The following UBR4 variants were observed in gnomAD, a reference collection of about 807,000 sequenced individuals.
UBR4 encodes the protein E3 ubiquitin-protein ligase UBR4.
UBR4 carries 124 observed loss-of-function variants against 575.6 expected under a neutral mutation model. That is an observed-to-expected ratio of 0.22 (90% CI 0.19 to 0.25). UBR4 has a LOEUF of 0.25. Ranked by LOEUF, UBR4 falls within the 10% of genes least tolerant of loss-of-function variation. The pLI, the probability that UBR4 is intolerant of heterozygous loss-of-function variation, is 1.00. For missense variants in UBR4, 4,818 were observed against 6,478.8 expected, an observed-to-expected ratio of 0.74 and a Z score of 8.80; for synonymous variants, 2,455 against 2,473.7, an observed-to-expected ratio of 0.99 and a Z score of 0.22.
chr1:19,188,764 G>C (rs2091796599), intron 11 of UBR4, among the ~76,000 whole-genome samples: 1 of 152,040 alleles, frequency 6.6e-6, no homozygotes, highest in South Asian at 2.1e-4. Flanking sequence ...GGCCAAGAGT[G>C]CAAGACCAGC....
rs758429177 is a variant in UBR4, at chr1:19,128,291, C to T, written c.9031G>A (p.Asp3011Asn). 19 of 1,613,900 alleles carry T rather than the reference C, an allele frequency of 1.2e-5. No individual in the cohort carries two copies. Among genetic ancestry groups the T allele is most frequent in the Non-Finnish European group, 1.5e-5 (18 of 1,179,958 alleles). ...QVILMLTTDL[D>N]GEDEKDKGAL... is the part of the protein sequence containing the mutation. ...CCCTTGTCTTTCTCATCTTCTCCAT[C>T]CAGATCTGTAGTGAGCATTAGAATG... The change falls in exon 62 of 106, where the codon GAT becomes AAT. Residue 3011 changes from aspartate (D) to asparagine (N), a missense_variant. Physicochemically the swap from Asp to Asn is conservative, Grantham distance 23. This residue lies in a region of UBR4 where 87 missense variants were observed against 82.8 expected (regional missense o/e 1.05). Transcript: ENST00000375254.
chr1:19,083,750 G>A (rs2076747785), intron 102 of UBR4, among the ~76,000 whole-genome samples: 1 of 152,148 alleles, frequency 6.6e-6, no homozygotes, highest in Non-Finnish European at 1.5e-5. Flanking sequence ...CTTAGGCTGG[G>A]CTCAAGCAAT....
rs777968632 is a variant in UBR4 at position 19,104,216 on chromosome 1, G to C, written c.12769C>G (p.His4257Asp). The change falls in exon 87 of 106, where the codon CAT (histidine) becomes GAT (aspartate). Residue 4257 changes from histidine (H) to aspartate (D), a missense_variant. Coordinates refer to ENST00000375254, the MANE Select transcript of UBR4 (RefSeq NM_020765.3). ...GTACCCACCAAGCGACTTTTAAAAT[G>C]TCTTTTGATGGATTCCACCTCAACA... ...SFVEVESIKR[H>D]FKSRLVGTVL... The C allele has an allele frequency of 2.5e-6, 4 of 1,614,238 alleles. No individual in the cohort carries two copies. Among genetic ancestry groups the C allele is most frequent in the Non-Finnish European group, 3.4e-6 (4 of 1,180,048 alleles).
intron 17 of UBR4, among the ~76,000 whole-genome samples, chr1:19,183,200 C>T (rs566101497): frequency 1.3e-5 from 2 of 152,328 alleles, no homozygotes; most frequent in East Asian, 3.9e-4. Context: ...TACTTCTTTT[C>T]ATATAAACTG....
At chr1:19,150,475 C>A in intron 49 of UBR4, 102 bp downstream of exon 49, 2 of 1,334,798 alleles carry the variant, frequency 1.5e-6, no homozygotes, top group Non-Finnish European at 2.1e-6. Context: ...TCCAGGCTAG[C>A]CTTGAGATGG....
intron 26 of UBR4, 48 bp from the exon 27 acceptor site, chr1:19,169,580 G>A (rs368691838): frequency 4.9e-5 from 75 of 1,532,554 alleles, no homozygotes; most frequent in Middle Eastern, 1.7e-4. Context: ...AAGAAGGAAC[G>A]ACACAGAGCA....
rs1352101727 is a variant in UBR4 at position 19,074,619 on chromosome 1, C to T, written c.*213G>A. 1.7e-6 allele frequency: 1 copy of T among 603,850 alleles called. No homozygotes were observed. The highest frequency in any genetic ancestry group is 2.9e-6 in the Non-Finnish European group (1 of 340,314). 37.4% of individuals were successfully genotyped at this position (603,850 alleles called of 1,614,324 possible). ...TAGGTATGTACAGGCCCTTTGATGG[C>T]TTGGGTTACAGACAACCTCATAGCT... On this transcript the variant is annotated 3_prime_UTR_variant, in exon 106 of 106. Coordinates refer to ENST00000375254, the MANE Select transcript of UBR4 (RefSeq NM_020765.3).
In UBR4 at chr1:19,106,958, G is replaced by C; in HGVS notation, c.12114C>G (p.Pro4038=). Residue 4038 remains proline (P), a synonymous_variant, in exon 82 of 106, where the codon CCC becomes CCG. Transcript: ENST00000375254. ...GCTTCACCGTGGTGAGGGCCTCAAC[G>C]GGGACATCCTGGAGGAGGCAAGTGG... The part of the protein sequence containing the change: ...APTSKKNKDV[P]VEALTTVKPY... 6.2e-7 allele frequency: 1 copy of C among 1,611,838 alleles called. No homozygotes were observed. The highest frequency in any genetic ancestry group is 8.5e-7 in the Non-Finnish European group (1 of 1,179,816).
At chr1:19,104,012 A>T (rs2078925864) in intron 87 of UBR4, 72 bp downstream of exon 87, 5 of 1,543,268 alleles carry the variant, frequency 3.2e-6, no homozygotes, top group Admixed American at 3.7e-5. Flanking sequence ...AACTGGGGGA[A>T]ATTGGTCGAA....
At chr1:19,083,298 C>T (rs565297504) in intron 102 of UBR4, among the ~76,000 whole-genome samples, 1 of 152,078 alleles carries the variant, frequency 6.6e-6, no homozygotes, top group Non-Finnish European at 1.5e-5. Context: ...CCTGTGGTCT[C>T]GAGGTCAGCC....
chr1:19,147,075 TGG>T, intron 51 of UBR4, 75 bp from the exon 52 acceptor site: 1 of 1,471,674 alleles, frequency 6.8e-7, no homozygotes, highest in Non-Finnish European at 9.1e-7. Context: ...AGAGAAAAGC[TGG>T]CAGATCACCA....
Position 19,156,680 on chromosome 1 carries a change from A to AT in UBR4, c.5919+86dup, listed in dbSNP as rs1182185872. ...TTTTAAATTTTAATCTCCACAACGA[A>AT]TAAGAAAAAGTAGTTCTGAGAACAG... On this transcript the variant is annotated intron_variant, in intron 41 of 105. Coordinates refer to ENST00000375254, the MANE Select transcript of UBR4 (RefSeq NM_020765.3). The AT allele has an allele frequency of 2.0e-5, 30 of 1,510,996 alleles. No individual in the cohort carries two copies. In the Admixed American group the frequency reaches 5.8e-4, roughly 29 times the overall value. The allele number at this position is 1,510,996 out of a possible 1,614,324, so 93.6% of individuals were successfully genotyped here.
chr1:19,088,044 C>G lies in UBR4; in HGVS notation c.14431-115G>C. 2.6e-6 allele frequency: 2 copies of G among 755,648 alleles called. No homozygotes were observed. The highest frequency in any genetic ancestry group is 4.5e-6 in the Non-Finnish European group (2 of 443,218). 46.8% of individuals were successfully genotyped at this position (755,648 alleles called of 1,614,324 possible). Reference sequence around the variant, plus strand: ...TCTACCTCCACTAAAAGGACAGGTGCATGAGAGGAAAGCCCTTGAGCTGTC... The same window carrying G: ...TCTACCTCCACTAAAAGGACAGGTGGATGAGAGGAAAGCCCTTGAGCTGTC... On this transcript the variant is annotated intron_variant, in intron 98 of 105. Transcript: ENST00000375254. This position sits in a 1 kb window ranked among gnomAD's most constrained non-coding sequence, Gnocchi z 4.0.
At chr1:19,160,826 G>T in intron 38 of UBR4, 91 bp downstream of exon 38, 2 of 1,234,874 alleles carry the variant, frequency 1.6e-6, no homozygotes, top group Middle Eastern at 1.9e-4. Context: ...AAAATGAGTT[G>T]CAAGGGGAGC....
chr1:19,110,056 G>A lies in UBR4; in HGVS notation c.12105+40C>T, dbSNP rs111457900. On this transcript the variant is annotated intron_variant, in intron 81 of 105. Coordinates refer to ENST00000375254, the MANE Select transcript of UBR4 (RefSeq NM_020765.3). The surrounding 1 kb of genome is among the most constrained non-coding windows in gnomAD (Gnocchi z 4.5). ...CTGCCAGGGAATGAGGAGGGTGGCC[G>A]CCCTGCCCTTCCTTGTTAGACCCCT... 862 of 1,611,890 alleles carry A rather than the reference G, an allele frequency of 5.3e-4. 16 individuals carry two copies. In the South Asian group the frequency reaches 6.8e-3, roughly 13 times the overall value.
In UBR4 at chr1:19,110,347, T is replaced by C; in HGVS notation, c.11977+33A>G. 1 of 1,613,872 alleles carries C rather than the reference T, an allele frequency of 6.2e-7. No individual in the cohort carries two copies. Among genetic ancestry groups the C allele is most frequent in the South Asian group, 1.1e-5 (1 of 91,064 alleles). ...CCGGCCAGGACTGCTCCTTTGAGCC[T>C]CCTTTCCTTTCTCTGAAAATCCCCT... On this transcript the variant is annotated intron_variant, in intron 80 of 105. Coordinates refer to ENST00000375254, the MANE Select transcript of UBR4 (RefSeq NM_020765.3). The surrounding 1 kb of genome is among the most constrained non-coding windows in gnomAD (Gnocchi z 4.5).
In UBR4 at chr1:19,185,125, G is replaced by A; in HGVS notation, c.1912C>T (p.Leu638=). ...KQAPGEKGNI[L]ASRKDPELFL... Reference sequence around the variant, plus strand: ...AACTCAGGATCTTTGCGACTCGCCAGAATGTTGCCCTTCTCACCAGGGGCC... The same window carrying A: ...AACTCAGGATCTTTGCGACTCGCCAAAATGTTGCCCTTCTCACCAGGGGCC... Residue 638 remains leucine (L), a synonymous_variant, in exon 15 of 106, where the codon CTG becomes TTG. Transcript: ENST00000375254. 6.2e-7 allele frequency: 1 copy of A among 1,614,110 alleles called. No individual in the cohort carries two copies. The highest frequency in any genetic ancestry group is 1.1e-5 in the South Asian group (1 of 91,076).
chr1:19,146,370 CA>C (rs759628179), intron 52 of UBR4, among the ~76,000 whole-genome samples: 1 of 152,120 alleles, frequency 6.6e-6, no homozygotes, highest in Non-Finnish European at 1.5e-5. Context: ...TTGACAATGA[CA>C]AAACAGGTTT....
At chr1:19,208,912 G>A (rs1233551090) in intron 1 of UBR4, among the ~76,000 whole-genome samples, 1 of 152,224 alleles carries the variant, frequency 6.6e-6, no homozygotes, top group Admixed American at 6.5e-5. Context: ...TAATTTGAAA[G>A]TAGTATATTT....
Sources: gnomAD v4.1 joint callset for allele counts (sites outside exome capture counted in the v4.1 genomes callset) on GRCh38, gnomAD v4.1.1 for gene constraint, gnomAD v4.1.1 regional missense constraint, Gnocchi (gnomAD v3.1) non-coding constraint, MANE v1.5 for transcripts, NCBI Gene and HGNC (gene_info 2026-07-23, HGNC 2026-07-21) for gene names.